The following FUT8 variants were observed in gnomAD, a reference collection of about 807,000 sequenced individuals.
FUT8 encodes alpha-(1,6)-fucosyltransferase.
A neutral mutation model predicts 71.3 loss-of-function variants in FUT8; 29 were observed. The observed-to-expected ratio is 0.41, with a 90% CI of 0.30 to 0.55. The LOEUF is 0.55. FUT8 is among the 20% of genes least tolerant of loss of function. The pLI is 0.34. For missense variants in FUT8, 544 were observed against 702.1 expected, an observed-to-expected ratio of 0.77 and a Z score of 2.55; for synonymous variants, 254 against 239.3, an observed-to-expected ratio of 1.06 and a Z score of -0.57.
intron 1 of FUT8, among the ~76,000 whole-genome samples, chr14:65,449,716 T>C (rs1439837052): frequency 6.6e-6 from 1 of 152,252 alleles, no homozygotes; most frequent in East Asian, 1.9e-4. Flanking sequence ...TTCTTCATAG[T>C]GAGCAGCCTC....
chr14:65,599,328 C>A (rs1358842624), intron 3 of FUT8, among the ~76,000 whole-genome samples: 2 of 152,154 alleles, frequency 1.3e-5, no homozygotes, highest in Non-Finnish European at 2.9e-5. Context: ...CCCCCATCTC[C>A]CTATACTTCT....
intron 2 of FUT8, among the ~76,000 whole-genome samples, chr14:65,531,207 A>C (rs1011900899): frequency 6.6e-6 from 1 of 151,946 alleles, no homozygotes; most frequent in Non-Finnish European, 1.5e-5. Context: ...GATATGAGGT[A>C]CTCACGAAAG....
chr14:65,512,099 A>G (rs745620998), intron 2 of FUT8, among the ~76,000 whole-genome samples: 2 of 152,226 alleles, frequency 1.3e-5, no homozygotes, highest in East Asian at 1.9e-4. Context: ...ATTGTAGGCA[A>G]TTGTAACACA....
chr14:65,533,523 T>TA (rs1466696880), intron 2 of FUT8, among the ~76,000 whole-genome samples: 1 of 152,180 alleles, frequency 6.6e-6, no homozygotes, highest in African/African-American at 2.4e-5. Context: ...AAACTTTGCT[T>TA]AAGTTGTTCA....
intron 6 of FUT8, among the ~76,000 whole-genome samples, chr14:65,654,545 C>T (rs1179767854): frequency 1.3e-5 from 2 of 151,294 alleles, no homozygotes; most frequent in African/African-American, 2.4e-5. Context: ...GAGCTGAGTT[C>T]GTGCCACTAC....
chr14:65,408,791 A>T (rs1280869380), upstream of FUT8, among the ~76,000 whole-genome samples: 1 of 152,128 alleles, frequency 6.6e-6, no homozygotes, highest in African/African-American at 2.4e-5. Context: ...CTTTTTAATG[A>T]GTAGGTATAG....
rs1442327917 is a variant in FUT8 at position 65,627,099 on chromosome 14, C to T, written c.483-2393C>T. Reference sequence around the variant, plus strand: ...TTTGTCTGTGACATGCACTGTTCCACATGCTGATTTTAAATAACAAAAAAC... The same window carrying T: ...TTTGTCTGTGACATGCACTGTTCCATATGCTGATTTTAAATAACAAAAAAC... On this transcript the variant is annotated intron_variant, in intron 5 of 10. Coordinates refer to ENST00000673929, the MANE Select transcript of FUT8 (RefSeq NM_001371533.1). The surrounding 1 kb of genome is among the most constrained non-coding windows in gnomAD (Gnocchi z 4.0). Among the ~76,000 whole-genome samples the T allele has an allele frequency of 2.0e-5, 3 of 152,106 alleles. No individual in the cohort carries two copies. In the East Asian group the frequency reaches 5.8e-4, roughly 29 times the overall value.
chr14:65,360,513 A>C, the FUT8 span, among the ~76,000 whole-genome samples: 1 of 152,252 alleles, frequency 6.6e-6, no homozygotes, highest in Non-Finnish European at 1.5e-5. Context: ...TATTAAAGGC[A>C]CTTGTTCCAA....
In FUT8 at chr14:65,742,872, C is replaced by G. The variant is rs1024802717; in HGVS notation, c.*462C>G. The G allele has an allele frequency of 1.3e-5, 2 of 153,270 alleles. No individual in the cohort carries two copies. Among genetic ancestry groups the G allele is most frequent in the Admixed American group, 6.5e-5 (1 of 15,418 alleles). 9.5% of individuals were successfully genotyped at this position (153,270 alleles called of 1,614,324 possible). A position where few individuals can be genotyped will look rare whatever the true frequency, so the allele number is the denominator to read the frequency against. ...GGTGGTATTGTGACCACTGAATTCA[C>G]TCCAGTCAACAGATTCAGAATGAGA... On this transcript the variant is annotated 3_prime_UTR_variant, in exon 11 of 11. Transcript: ENST00000673929.
At chr14:65,626,238 C>T (rs913187310) in intron 5 of FUT8, among the ~76,000 whole-genome samples, 5 of 151,292 alleles carry the variant, frequency 3.3e-5, no homozygotes, top group African/African-American at 1.2e-4. Context: ...AAAAAAATAG[C>T]GGCTACCACA....
intron 1 of FUT8, among the ~76,000 whole-genome samples, chr14:65,449,164 G>A (rs1391837993): frequency 6.6e-6 from 1 of 152,154 alleles, no homozygotes; most frequent in African/African-American, 2.4e-5. Context: ...AGTTTATGTT[G>A]ATGATGTAGA....
At chr14:65,587,845 G>A (rs1167399111) in intron 3 of FUT8, among the ~76,000 whole-genome samples, 1 of 152,150 alleles carries the variant, frequency 6.6e-6, no homozygotes, top group African/African-American at 2.4e-5. Context: ...TGTAACATTT[G>A]ATGATAAATA....
chr14:65,450,090 G>A (rs1258855475), intron 1 of FUT8, among the ~76,000 whole-genome samples: 1 of 152,158 alleles, frequency 6.6e-6, no homozygotes, highest in Non-Finnish European at 1.5e-5. Flanking sequence ...ATGCATGTGT[G>A]TGTGGTTTCC....
chr14:65,723,871 T>A (rs1217113050), intron 8 of FUT8, among the ~76,000 whole-genome samples: 1 of 152,258 alleles, frequency 6.6e-6, no homozygotes, highest in Non-Finnish European at 1.5e-5. Context: ...TCCCATTTAT[T>A]CCTAAGATGT....
At chr14:65,551,769 T>C (rs1885298620) in intron 2 of FUT8, among the ~76,000 whole-genome samples, 1 of 152,200 alleles carries the variant, frequency 6.6e-6, no homozygotes, top group South Asian at 2.1e-4. Flanking sequence ...AGCCTGCTTA[T>C]ATTTTTGGGG....
intron 2 of FUT8, among the ~76,000 whole-genome samples, chr14:65,465,397 C>T (rs184338177): frequency 6.6e-4 from 100 of 152,268 alleles, no homozygotes; most frequent in Non-Finnish European, 1.2e-3. Context: ...GTCTAGAGCT[C>T]CTAGCCTCAA....
chr14:65,739,997 GTTTGC>G (rs1326989761), intron 10 of FUT8, among the ~76,000 whole-genome samples: 2 of 152,090 alleles, frequency 1.3e-5, no homozygotes, highest in East Asian at 3.9e-4. Context: ...TGTTATTGTA[GTTTGC>G]TATTATTGGA....
the FUT8 span, among the ~76,000 whole-genome samples, chr14:65,375,277 G>A: frequency 9.2e-5 from 14 of 152,168 alleles, no homozygotes; most frequent in African/African-American, 3.4e-4. Context: ...TGTAGGCAAT[G>A]AAATTCAGGC....
At chr14:65,357,457 C>G in the FUT8 span, among the ~76,000 whole-genome samples, 12 of 152,210 alleles carry the variant, frequency 7.9e-5, no homozygotes, top group African/African-American at 2.9e-4. Context: ...CTAGAATACT[C>G]GAACAGAGGC....
Sources: allele counts gnomAD v4.1 joint callset (sites outside exome capture counted in the v4.1 genomes callset), GRCh38; gene constraint gnomAD v4.1.1; non-coding constraint Gnocchi (gnomAD v3.1); transcripts MANE v1.5; gene names NCBI Gene and HGNC (gene_info 2026-07-23, HGNC 2026-07-21).